The following ZNF716 variants were observed in gnomAD, a reference collection of about 807,000 sequenced individuals.
The protein encoded by ZNF716 is zinc finger protein 716.
Under a neutral mutation model 13.4 loss-of-function variants are expected in ZNF716, and 9 were observed. The ratio of observed to expected loss-of-function variants is 0.67; its 90% confidence interval spans 0.41 to 1.18. The LOEUF (loss-of-function observed/expected upper bound fraction) is 1.18. Ranked by LOEUF, ZNF716 falls within the 50% of genes most tolerant of loss-of-function variation. The probability of loss-of-function intolerance (pLI) is 0.01; values close to 1 mark genes in which losing one functional copy is unlikely to be tolerated. For synonymous variants in ZNF716, 186 were observed against 195.2 expected (o/e 0.95, Z 0.39); for missense variants, 581 against 576.6 (o/e 1.01, Z -0.08).
intron 1 of ZNF716, among the ~76,000 whole-genome samples, chr7:57,460,986 T>C (rs1202060377): frequency 2.0e-5 from 3 of 152,014 alleles, no homozygotes; most frequent in Admixed American, 2.0e-4. Flanking sequence ...TAATTAAATT[T>C]AGGCCAGGTG....
chr7:57,457,234 C>CT (rs1554322263), intron 1 of ZNF716, among the ~76,000 whole-genome samples: 1 of 152,208 alleles, frequency 6.6e-6, no homozygotes, highest in Non-Finnish European at 1.5e-5. Context: ...TCTAATCTGC[C>CT]TGCATGGACA....
intron 3 of ZNF716, among the ~76,000 whole-genome samples, chr7:57,467,467 G>A (rs1762470343): frequency 6.6e-6 from 1 of 151,818 alleles, no homozygotes; most frequent in Non-Finnish European, 1.5e-5. Flanking sequence ...TGTTTATTTT[G>A]TAGTACGTGT....
Position 57,469,853 on chromosome 7 carries a change from C to A in ZNF716, c.1392C>A (p.Tyr464Ter). 1.2e-6 allele frequency: 2 copies of A among 1,603,210 alleles called. No individual in the cohort carries two copies. Among genetic ancestry groups the A allele is most frequent in the Non-Finnish European group, 1.7e-6 (2 of 1,174,282 alleles). The change falls in exon 4 of 4, where the codon TAC (tyrosine) becomes TAA (stop). Residue 464 changes from tyrosine (Y) to a stop codon, truncating the protein, a stop_gained. Transcript: ENST00000420713. LOFTEE classifies it low-confidence loss of function (END_TRUNC). Reference protein sequence around the residue: ...HKRIHTGEKPYKCEECDQTFK... With the variant: ...HKRIHTGEKP Reference sequence around the variant, plus strand: ...GGATTCATACTGGAGAGAAACCCTACAAATGTGAAGAATGTGACCAAACTT... The same window carrying A: ...GGATTCATACTGGAGAGAAACCCTAAAAATGTGAAGAATGTGACCAAACTT...
At chr7:57,464,055 T>TA (rs1554323622) in intron 3 of ZNF716, among the ~76,000 whole-genome samples, 2 of 151,998 alleles carry the variant, frequency 1.3e-5, no homozygotes. Context: ...ACCTTTCAAA[T>TA]AGTTCTTCCC....
chr7:57,463,837 A>G (rs1397104029), intron 3 of ZNF716, among the ~76,000 whole-genome samples: 4 of 151,994 alleles, frequency 2.6e-5, no homozygotes, highest in African/African-American at 7.2e-5. Context: ...TAATTATTTG[A>G]AAAACATTCA....
intron 1 of ZNF716, among the ~76,000 whole-genome samples, chr7:57,460,852 A>C (rs1554322927): frequency 6.6e-6 from 1 of 152,192 alleles, no homozygotes; most frequent in Non-Finnish European, 1.5e-5. Context: ...GAAAGTTCTA[A>C]AAACTGTTAG....
chr7:57,473,320 A>G lies in ZNF716; in HGVS notation c.*3371A>G, dbSNP rs1436784947. On this transcript the variant is annotated 3_prime_UTR_variant, in exon 4 of 4. Transcript: ENST00000420713. ...GATCATTTGAGGTTAGGAGTTCAAGACCAGCCTGGCCAACATGGTGAAACC... is the reference window on the plus strand; with the variant it reads ...GATCATTTGAGGTTAGGAGTTCAAGGCCAGCCTGGCCAACATGGTGAAACC... 2.0e-5 allele frequency: 3 copies of G among 152,066 alleles called. No individual in the cohort carries two copies. The highest frequency in any genetic ancestry group is 6.6e-5 in the Admixed American group (1 of 15,246). The allele number at this position is 152,066 out of a possible 1,614,324, so 9.4% of individuals were successfully genotyped here.
chr7:57,464,296 T>C (rs13246447), intron 3 of ZNF716, among the ~76,000 whole-genome samples: 56,221 of 151,380 alleles, frequency 0.37, 10,728 homozygotes, highest in East Asian at 0.51. Flanking sequence ...TAATTTTGTA[T>C]TTTTTGTAGA....
At chr7:57,458,762 A>G (rs1562676016) in intron 1 of ZNF716, among the ~76,000 whole-genome samples, 1 of 152,198 alleles carries the variant, frequency 6.6e-6, no homozygotes, top group Non-Finnish European at 1.5e-5. Flanking sequence ...TTATTTAACT[A>G]TAAATATTTA....
At position 57,450,182 on chromosome 7, in the gene ZNF716, T is replaced by C. The variant is rs1205784491; in HGVS notation, c.-107T>C. Reference sequence around the variant, plus strand: ...CTTCCGTAAGGTTACGGGTTCTTTTTGCTTCTCTGCGCCCAGAGCTCCAGT... The same window carrying C: ...CTTCCGTAAGGTTACGGGTTCTTTTCGCTTCTCTGCGCCCAGAGCTCCAGT... On this transcript the variant is annotated 5_prime_UTR_variant, in exon 1 of 4. Coordinates refer to ENST00000420713, the MANE Select transcript of ZNF716 (RefSeq NM_001159279.1). 1.3e-6 allele frequency: 2 copies of C among 1,536,748 alleles called. No homozygotes were observed. Among genetic ancestry groups the C allele is most frequent in the Non-Finnish European group, 8.9e-7 (1 of 1,125,004 alleles).
Position 57,463,176 on chromosome 7 carries a change from A to G in ZNF716, c.262+8A>G, listed in dbSNP as rs782622631. 1.4e-4 allele frequency: 217 copies of G among 1,605,994 alleles called. No individual in the cohort carries two copies. The highest frequency in any genetic ancestry group is 1.8e-4 in the Non-Finnish European group (210 of 1,179,768). On this transcript the variant is annotated splice_region_variant and intron_variant, in intron 3 of 3. Transcript: ENST00000420713. Reference sequence around the variant, plus strand: ...TGGTAGCCAAACACCCAGGTAGGTGAGAGCGAATGAAGCAGATGACACAGA... The same window carrying G: ...TGGTAGCCAAACACCCAGGTAGGTGGGAGCGAATGAAGCAGATGACACAGA...
At chr7:57,466,301 G>C (rs1336749455) in intron 3 of ZNF716, among the ~76,000 whole-genome samples, 1 of 152,122 alleles carries the variant, frequency 6.6e-6, no homozygotes, top group South Asian at 2.1e-4. Context: ...GCATATGTCT[G>C]TTTAGCCTAG....
chr7:57,464,126 T>TC lies in ZNF716; in HGVS notation c.262+958_262+959insC, dbSNP rs541997409. On this transcript the variant is annotated intron_variant, in intron 3 of 3. Coordinates refer to ENST00000420713, the MANE Select transcript of ZNF716 (RefSeq NM_001159279.1). ...TCATTTGTCCATTTCTTTTTTCTTTTTTTTTTTTTTTTGAGATGGAGTTTC... is the reference window on the plus strand; with the variant it reads ...TCATTTGTCCATTTCTTTTTTCTTTTCTTTTTTTTTTTTGAGATGGAGTTTC... Among the ~76,000 whole-genome samples, 251 of 141,216 alleles carry TC rather than the reference T, an allele frequency of 1.8e-3. 2 individuals are homozygous for TC. Among genetic ancestry groups the TC allele is most frequent in the African/African-American group, 6.3e-3 (244 of 38,484 alleles). 92.6% of individuals were successfully genotyped at this position (141,216 alleles called of 152,430 possible).
Position 57,469,005 on chromosome 7 carries a change from A to G in ZNF716, c.544A>G (p.Lys182Glu), listed in dbSNP as rs1192549995. ...TAGACACAAGACAAGACATACTGGA[A>G]AGAAACATTTCAAATGTAAAAACGA... ...SNRHKTRHTG[K>E]KHFKCKNDGK... The change falls in exon 4 of 4, where the codon AAG becomes GAG. Residue 182 changes from lysine (K) to glutamate (E), a missense_variant. By Grantham distance (56) the Lys-to-Glu change is moderately conservative. Transcript: ENST00000420713. 1 of 1,608,096 alleles carries G rather than the reference A, an allele frequency of 6.2e-7. No individual in the cohort carries two copies. Among genetic ancestry groups the G allele is most frequent in the Non-Finnish European group, 8.5e-7 (1 of 1,176,656 alleles).
chr7:57,458,244 A>G (rs1158631095), intron 1 of ZNF716, among the ~76,000 whole-genome samples: 1 of 152,102 alleles, frequency 6.6e-6, no homozygotes, highest in Admixed American at 6.5e-5. Context: ...GCTTTTCTCA[A>G]TGTTTAAACA....
In ZNF716 at chr7:57,469,888, A is replaced by G. The variant is rs1554324984; in HGVS notation, c.1427A>G (p.His476Arg). ...CEECDQTFKW[H>R]SSLANHKNMH... ...GAATGTGACCAAACTTTTAAGTGGC[A>G]TTCAAGTCTTGCTAATCATAAGAAT... Residue 476 changes from histidine (H) to arginine (R), a missense_variant, in exon 4 of 4, where the codon CAT becomes CGT. Physicochemically the swap from His to Arg is conservative, Grantham distance 29 (BLOSUM62 0). Coordinates refer to ENST00000420713, the MANE Select transcript of ZNF716 (RefSeq NM_001159279.1). 3 of 1,592,734 alleles carry G rather than the reference A, an allele frequency of 1.9e-6. No homozygotes were observed. Among genetic ancestry groups the G allele is most frequent in the Admixed American group, 3.5e-5 (2 of 56,458 alleles).
chr7:57,468,610 ATTTTGATATGC>A (rs1789854949), intron 3 of ZNF716, 103 bp from the exon 4 acceptor site: 1 of 1,069,052 alleles, frequency 9.4e-7, no homozygotes, highest in East Asian at 2.7e-5. Context: ...GGCTTGTGGT[ATTTTGATATGC>A]CATTTTGCTA....
intron 1 of ZNF716, among the ~76,000 whole-genome samples, chr7:57,454,762 T>C (rs1460317835): frequency 2.0e-5 from 3 of 152,172 alleles, no homozygotes; most frequent in African/African-American, 7.2e-5. Context: ...TGGTGGCTCA[T>C]GCCTGTAATC....
In ZNF716 at chr7:57,470,462, G is replaced by T. The variant is rs1789910234; in HGVS notation, c.*513G>T. 2 of 154,232 alleles carry T rather than the reference G, an allele frequency of 1.3e-5. No individual in the cohort carries two copies. The highest frequency in any genetic ancestry group is 6.4e-5 in the Admixed American group (1 of 15,548). 9.6% of individuals were successfully genotyped at this position (154,232 alleles called of 1,614,324 possible). A position where few individuals can be genotyped will look rare whatever the true frequency, so the allele number is the denominator to read the frequency against. On this transcript the variant is annotated 3_prime_UTR_variant, in exon 4 of 4. Coordinates refer to ENST00000420713, the MANE Select transcript of ZNF716 (RefSeq NM_001159279.1). ...ATTTATATTAGAGAGACTCTACAAAGGTCAAAAATGTGACAAAACATTTAA... is the reference window on the plus strand; with the variant it reads ...ATTTATATTAGAGAGACTCTACAAATGTCAAAAATGTGACAAAACATTTAA...
Sources: allele counts gnomAD v4.1 joint callset (sites outside exome capture counted in the v4.1 genomes callset), GRCh38; gene constraint gnomAD v4.1.1; transcripts MANE v1.5; gene names NCBI Gene and HGNC (gene_info 2026-07-23, HGNC 2026-07-21).